Variants in AP2S1 observed in about 807,000 individuals in gnomAD.
AP2S1 encodes AP-2 complex subunit sigma.
In AP2S1, 6 loss-of-function variants were observed where a neutral mutation model predicts 21.0. The ratio of observed to expected loss-of-function variants is 0.29; its 90% CI spans 0.16 to 0.56. The LOEUF is 0.56. Among genes scored for constraint, AP2S1 ranks in the 20% least tolerant of loss-of-function variants. The probability of loss-of-function intolerance (pLI) is 0.92; values close to 1 mark genes in which losing one functional copy is unlikely to be tolerated. For missense variants in AP2S1, 60 were observed against 186.2 expected, an observed-to-expected ratio of 0.32 and a Z score of 3.95; for synonymous variants, 63 against 74.6, an observed-to-expected ratio of 0.84 and a Z score of 0.80.
chr19:46,846,625 A>C (rs2055639760), intron 1 of AP2S1, among the ~76,000 whole-genome samples: 1 of 151,824 alleles, frequency 6.6e-6, no homozygotes, highest in Non-Finnish European at 1.5e-5. Context: ...AAGTCTCCCA[A>C]GAAGATTCAT....
At chr19:46,848,272 C>T (rs775320921) in intron 1 of AP2S1, among the ~76,000 whole-genome samples, 2 of 152,066 alleles carry the variant, frequency 1.3e-5, no homozygotes, top group East Asian at 3.9e-4. Flanking sequence ...CCCAGCTACT[C>T]GGGAGGCTGA....
At chr19:46,850,664 T>C (rs748251484) in intron 1 of AP2S1, 100 bp downstream of exon 1, 1 of 1,127,886 alleles carries the variant, frequency 8.9e-7, no homozygotes, top group Non-Finnish European at 1.3e-6. Context: ...ACCCAGACCA[T>C]CCGCGGCAGA....
At position 46,838,581 on chromosome 19, in the gene AP2S1, G is replaced by GC. The variant is rs762350816; in HGVS notation, c.328-34dup. The GC allele has an allele frequency of 3.1e-6, 5 of 1,608,770 alleles. No homozygotes were observed. Among genetic ancestry groups the GC allele is most frequent in the Non-Finnish European group, 4.3e-6 (5 of 1,175,146 alleles). The stretch of plus-strand genomic sequence containing the variant: ...AGGGGAGACCCTGGGGTGAGACGAG[G>GC]CCCCCCAGGATGCTGGCCCGGACCC... On this transcript the variant is annotated intron_variant, in intron 4 of 4. Coordinates refer to ENST00000263270, the MANE Select transcript of AP2S1 (RefSeq NM_004069.6). This position sits in a 1 kb window ranked among gnomAD's most constrained non-coding sequence, Gnocchi z 4.1.
chr19:46,839,460 CGTA>C lies in AP2S1; in HGVS notation c.267+2_267+4del. On this transcript the variant is annotated splice_donor_variant and splice_donor_region_variant and intron_variant, in intron 3 of 4. Coordinates refer to ENST00000263270, the MANE Select transcript of AP2S1 (RefSeq NM_004069.6). LOFTEE classifies it high-confidence loss of function. ...TCCCCACCTTACATCCCTCTCCCGC[CGTA>C]CCTCCACGAAGTTGTGAATGGCCTC... is the stretch of plus-strand genomic sequence containing the variant. 1.2e-6 allele frequency: 2 copies of C among 1,609,910 alleles called. No individual in the cohort carries two copies. The highest frequency in any genetic ancestry group is 1.7e-6 in the Non-Finnish European group (2 of 1,178,092).
intron 2 of AP2S1, among the ~76,000 whole-genome samples, chr19:46,842,771 T>C (rs1218347884): frequency 6.6e-6 from 1 of 152,106 alleles, no homozygotes; most frequent in Admixed American, 6.6e-5. Flanking sequence ...GACCTCCTCC[T>C]GGAGAGGTAA....
chr19:46,844,795 G>A (rs2055593274), intron 2 of AP2S1, among the ~76,000 whole-genome samples: 1 of 148,916 alleles, frequency 6.7e-6, no homozygotes, highest in African/African-American at 2.5e-5. Context: ...ATGAGCTCCT[G>A]TTTCAAAAAA....
chr19:46,840,982 C>T (rs529596624), intron 2 of AP2S1, among the ~76,000 whole-genome samples: 60 of 151,764 alleles, frequency 4.0e-4, no homozygotes, highest in Non-Finnish European at 7.1e-4. Context: ...TTGAGACAGT[C>T]TCACTCTGTC....
In AP2S1 at chr19:46,838,453, C is replaced by T. The variant is rs1401576354; in HGVS notation, c.423G>A (p.Leu141=). The change falls in exon 5 of 5, where the codon CTG becomes CTA. Residue 141 remains leucine (L), a synonymous_variant. Transcript: ENST00000263270. The surrounding 1 kb of genome is among the most constrained non-coding windows in gnomAD (Gnocchi z 4.1). ...VLKQLLMLQS[L]E ...GGGTGGGGCTCGCCTGCCCTCACTC[C>T]AGGGACTGTAGCATCAGCAGCTGTT... The T allele has an allele frequency of 3.1e-6, 5 of 1,614,036 alleles. No individual in the cohort carries two copies. The highest frequency in any genetic ancestry group is 4.2e-6 in the Non-Finnish European group (5 of 1,180,026).
chr19:46,850,265 CCT>C (rs1260326935), intron 1 of AP2S1: 146 of 1,234,536 alleles, frequency 1.2e-4, no homozygotes, highest in Admixed American at 4.2e-5. Flanking sequence ...GTCTCCTGCC[CCT>C]GTCTCAACAT....
At chr19:46,843,308 C>G (rs1011492278) in intron 2 of AP2S1, among the ~76,000 whole-genome samples, 1 of 152,204 alleles carries the variant, frequency 6.6e-6, no homozygotes, top group African/African-American at 2.4e-5. Context: ...TCCGAGCAGT[C>G]TCCTCTATGC....
intron 1 of AP2S1, 88 bp from the exon 2 acceptor site, chr19:46,846,230 A>T: frequency 6.6e-7 from 1 of 1,517,970 alleles, no homozygotes. Context: ...ATCCACCCAG[A>T]GGGGAGATAG....
At chr19:46,842,269 G>A (rs999544516) in intron 2 of AP2S1, among the ~76,000 whole-genome samples, 13 of 152,014 alleles carry the variant, frequency 8.6e-5, no homozygotes, top group African/African-American at 3.1e-4. Flanking sequence ...TCCCCTCCAG[G>A]AAGCCCTCCA....
rs1298077851 is a variant in AP2S1, at chr19:46,850,825, T to C, written c.-59A>G. 2 of 1,516,490 alleles carry C rather than the reference T, an allele frequency of 1.3e-6. No homozygotes were observed. Among genetic ancestry groups the C allele is most frequent in the Non-Finnish European group, 1.8e-6 (2 of 1,127,926 alleles). 93.9% of individuals were successfully genotyped at this position (1,516,490 alleles called of 1,614,324 possible). On this transcript the variant is annotated 5_prime_UTR_variant, in exon 1 of 5. Coordinates refer to ENST00000263270, the MANE Select transcript of AP2S1 (RefSeq NM_004069.6). ...CCCGCGGCGACTGGGCAGCTCCGGC[T>C]CAGGGTGCAGTTGTAGGGCCCAGAG...
chr19:46,843,158 C>T (rs1220116859), intron 2 of AP2S1, among the ~76,000 whole-genome samples: 2 of 152,168 alleles, frequency 1.3e-5, no homozygotes, highest in East Asian at 3.9e-4. Context: ...GTCGCCCTGG[C>T]TCTGCTTTCT....
rs1026322254 is a variant in AP2S1, at chr19:46,848,925, C to T, written c.3+1839G>A. Among the ~76,000 whole-genome samples the T allele has an allele frequency of 9.9e-5, 15 of 151,552 alleles. No individual in the cohort carries two copies. The South Asian group carries it at 3.1e-3, about 32-fold the overall frequency. The stretch of plus-strand genomic sequence containing the variant: ...ACAGGGTTTCACCATGTTGGTCAGG[C>T]TGGTCTCGAACTCCTGACCTTGTGA... On this transcript the variant is annotated intron_variant, in intron 1 of 4. Coordinates refer to ENST00000263270, the MANE Select transcript of AP2S1 (RefSeq NM_004069.6).
At chr19:46,848,254 G>C (rs145374227) in intron 1 of AP2S1, among the ~76,000 whole-genome samples, 85 of 151,926 alleles carry the variant, frequency 5.6e-4, no homozygotes, top group African/African-American at 2.0e-3. Flanking sequence ...GGGGGAGGCG[G>C]CTATAATCCC....
At chr19:46,844,531 C>A (rs1303222306) in intron 2 of AP2S1, among the ~76,000 whole-genome samples, 1 of 152,210 alleles carries the variant, frequency 6.6e-6, no homozygotes, top group Admixed American at 6.5e-5. Context: ...GGCGCAGTGG[C>A]TCATGCCTGT....
chr19:46,846,236 G>A, intron 1 of AP2S1, 94 bp from the exon 2 acceptor site: 7 of 1,505,202 alleles, frequency 4.7e-6, no homozygotes, highest in Non-Finnish European at 6.3e-6. Context: ...CCAGAGGGGA[G>A]ATAGGGCTCA....
At chr19:46,839,411 C>T in intron 3 of AP2S1, 54 bp downstream of exon 3, 3 of 1,591,332 alleles carry the variant, frequency 1.9e-6, no homozygotes, top group Admixed American at 1.7e-5. Flanking sequence ...GCCTTGGGGG[C>T]CACTCCAGGG....
Sources: allele counts gnomAD v4.1 joint callset (sites outside exome capture counted in the v4.1 genomes callset), GRCh38; gene constraint gnomAD v4.1.1; non-coding constraint Gnocchi (gnomAD v3.1); transcripts MANE v1.5; gene names NCBI Gene and HGNC (gene_info 2026-07-23, HGNC 2026-07-21).